Variants in NLRP5 observed in about 807,000 individuals in gnomAD.
The protein encoded by NLRP5 is NACHT, LRR and PYD domains-containing protein 5.
A neutral mutation model predicts 113.1 loss-of-function variants in NLRP5; 93 were observed. That is an observed-to-expected ratio of 0.82 (90% confidence interval 0.70 to 0.98). The LOEUF (loss-of-function observed/expected upper bound fraction) is 0.98, where lower values mean the gene tolerates loss of function less well. NLRP5 is among the 50% of genes least tolerant of loss of function. The pLI is 0.00. For synonymous variants in NLRP5, 751 were observed against 600.7 expected, an observed-to-expected ratio of 1.25 and a Z score of -3.66; for missense variants, 1,808 against 1,514.3, an observed-to-expected ratio of 1.19 and a Z score of -3.22.
chr19:56,006,622 C>T (rs1981923907), intron 2 of NLRP5, among the ~76,000 whole-genome samples: 1 of 151,988 alleles, frequency 6.6e-6, no homozygotes, highest in Non-Finnish European at 1.5e-5. Flanking sequence ...ATCCCAGCTA[C>T]TTGGGAGGCT....
chr19:56,038,112 G>T lies in NLRP5; in HGVS notation c.2703G>T (p.Leu901=). The T allele has an allele frequency of 6.2e-7, 1 of 1,613,994 alleles. No homozygotes were observed. The highest frequency in any genetic ancestry group is 1.1e-5 in the South Asian group (1 of 91,086). The change falls in exon 10 of 15, where the codon CTG becomes CTT. Residue 901 remains leucine, a synonymous_variant. Transcript: ENST00000390649. ...CCCCCAGCCTGAAATCTCTGAGCCT[G>T]GCAGGAAACAAGGTGACAGACCAGG...
At chr19:56,047,115 G>C (rs929470256) in intron 11 of NLRP5, among the ~76,000 whole-genome samples, 1 of 152,038 alleles carries the variant, frequency 6.6e-6, no homozygotes, top group Admixed American at 6.6e-5. Flanking sequence ...TTCTCAGTGA[G>C]GTTATTTGGA....
intron 11 of NLRP5, among the ~76,000 whole-genome samples, chr19:56,046,517 T>C (rs927166075): frequency 1.3e-5 from 2 of 151,620 alleles, no homozygotes; most frequent in African/African-American, 4.9e-5. Flanking sequence ...TCTTGTGGAA[T>C]AGTGTCGAAA....
chr19:56,010,851 G>C (rs536306954), intron 3 of NLRP5, among the ~76,000 whole-genome samples: 1 of 150,386 alleles, frequency 6.6e-6, no homozygotes, highest in South Asian at 2.1e-4. Context: ...ATATTATTTG[G>C]CATAAAAAGG....
chr19:56,052,878 C>T (rs443580), intron 12 of NLRP5, among the ~76,000 whole-genome samples: 50,560 of 152,072 alleles, frequency 0.33, 8,570 homozygotes, highest in Admixed American at 0.43. Flanking sequence ...CCTCCTCCCC[C>T]GTGGAGAATC....
chr19:56,048,979 A>ATTTTTTTTTT (rs60229740), intron 11 of NLRP5, among the ~76,000 whole-genome samples: 1 of 94,974 alleles, frequency 1.1e-5, no homozygotes, highest in Non-Finnish European at 2.0e-5. Context: ...TTTTTTTTTA[A>ATTTTTTTTTT]TTTTTTTTTT....
At chr19:56,039,966 G>A (rs950484611) in intron 10 of NLRP5, among the ~76,000 whole-genome samples, 1 of 150,946 alleles carries the variant, frequency 6.6e-6, no homozygotes, top group Non-Finnish European at 1.5e-5. Flanking sequence ...TGTGTTAGAT[G>A]TAGTTTTGGG....
rs371396549 is a variant in NLRP5, at chr19:56,031,015, A to C, written c.2277-1596A>C. Among the ~76,000 whole-genome samples the C allele has an allele frequency of 1.7e-4, 25 of 151,262 alleles. No homozygotes were observed. The South Asian group carries it at 2.9e-3, about 18-fold the overall frequency. ...GCGTGAGCGACTGCGCCCGGCCTCT[A>C]TTTTTCTTTTATTCTTGAGGGCAAA... On this transcript the variant is annotated intron_variant, in intron 7 of 14. Coordinates refer to ENST00000390649, the MANE Select transcript of NLRP5 (RefSeq NM_153447.4).
intron 7 of NLRP5, among the ~76,000 whole-genome samples, chr19:56,030,319 A>G (rs186397474): frequency 6.6e-6 from 1 of 152,146 alleles, no homozygotes; most frequent in East Asian, 1.9e-4. Context: ...GCAGTGAGCC[A>G]AGATGGCACC....
In NLRP5 at chr19:56,019,327, A is replaced by G. The variant is rs1982526719; in HGVS notation, c.566-15A>G. On this transcript the variant is annotated splice_polypyrimidine_tract_variant and intron_variant, in intron 4 of 14. Transcript: ENST00000390649. The stretch of plus-strand genomic sequence containing the variant: ...AATAAACACAAGTATGTTGGAATTC[A>G]TTCTTCTTTTGCAGAAATTTCACAA... The G allele has an allele frequency of 1.2e-6, 2 of 1,613,956 alleles. No individual in the cohort carries two copies. The highest frequency in any genetic ancestry group is 1.7e-6 in the Non-Finnish European group (2 of 1,179,884).
At chr19:56,017,096 C>G (rs747350554) in intron 4 of NLRP5, among the ~76,000 whole-genome samples, 1 of 152,134 alleles carries the variant, frequency 6.6e-6, no homozygotes, top group African/African-American at 2.4e-5. Flanking sequence ...CGTGAGCCAC[C>G]GCGCCCGGCC....
chr19:56,007,160 C>T (rs1051161501), intron 2 of NLRP5, among the ~76,000 whole-genome samples: 2 of 151,352 alleles, frequency 1.3e-5, no homozygotes, highest in East Asian at 3.9e-4. Flanking sequence ...GTCAGGAGTT[C>T]AAGACTAGCC....
chr19:56,044,130 C>T (rs1327224791), intron 11 of NLRP5, among the ~76,000 whole-genome samples: 3 of 150,162 alleles, frequency 2.0e-5, no homozygotes, highest in Non-Finnish European at 4.4e-5. Flanking sequence ...GTGGCACGAT[C>T]TGAGCTCACT....
rs541263021 is a variant in NLRP5, at chr19:56,049,563, C to T, written c.2958-855C>T. Among the ~76,000 whole-genome samples, 6 of 151,202 alleles carry T rather than the reference C, an allele frequency of 4.0e-5. No homozygotes were observed. In the South Asian group the frequency reaches 1.3e-3, roughly 32 times the overall value. On this transcript the variant is annotated intron_variant, in intron 11 of 14. Transcript: ENST00000390649. ...GACCTGGTGATCCTCCCGCCTTGGC[C>T]TCCCAAAGTGCTGCTGGGATTACAG...
At chr19:56,010,788 A>G (rs1033581270) in intron 3 of NLRP5, among the ~76,000 whole-genome samples, 2 of 119,294 alleles carry the variant, frequency 1.7e-5, no homozygotes, top group Non-Finnish European at 3.7e-5. Context: ...CAATAAATGC[A>G]GTTTTTTTTT....
intron 6 of NLRP5, among the ~76,000 whole-genome samples, chr19:56,024,572 C>CAT (rs1181190059): frequency 3.1e-5 from 4 of 130,200 alleles, no homozygotes; most frequent in Non-Finnish European, 6.8e-5. Flanking sequence ...TATATATACA[C>CAT]ATATATATAC....
chr19:56,032,859 A>T, intron 8 of NLRP5, 78 bp downstream of exon 8: 3 of 1,396,898 alleles, frequency 2.1e-6, no homozygotes, highest in Non-Finnish European at 2.9e-6. Flanking sequence ...TGAGAGACCC[A>T]TCTGAAGCCT....
At chr19:56,039,392 C>G (rs1360445417) in intron 10 of NLRP5, among the ~76,000 whole-genome samples, 3 of 152,220 alleles carry the variant, frequency 2.0e-5, no homozygotes, top group African/African-American at 7.2e-5. Context: ...CTGGACAGCA[C>G]AGCTCTAGGT....
chr19:56,061,710 A>G lies in NLRP5; in HGVS notation c.*182A>G. ...ACTCTACGTTGGTTACTGGATTTGA[A>G]GGCTAGAGACCTTCAAGTCATAGGA... On this transcript the variant is annotated 3_prime_UTR_variant, in exon 15 of 15. Transcript: ENST00000390649. 1.5e-6 allele frequency: 1 copy of G among 652,890 alleles called. No homozygotes were observed. The highest frequency in any genetic ancestry group is 2.6e-6 in the Non-Finnish European group (1 of 381,464). 40.4% of individuals were successfully genotyped at this position (652,890 alleles called of 1,614,324 possible). A position where few individuals can be genotyped will look rare whatever the true frequency, so the allele number is the denominator to read the frequency against.
Sources: gnomAD v4.1 joint callset for allele counts (sites outside exome capture counted in the v4.1 genomes callset) on GRCh38, gnomAD v4.1.1 for gene constraint, MANE v1.5 for transcripts, NCBI Gene and HGNC (gene_info 2026-07-23, HGNC 2026-07-21) for gene names.